The following EPG5 variants were observed in gnomAD, a reference collection of about 807,000 sequenced individuals.
The protein encoded by EPG5 is ectopic P granules protein 5 homolog.
Under a neutral mutation model 302.7 loss-of-function variants are expected in EPG5, and 159 were observed. That is an observed-to-expected ratio of 0.53 (90% CI 0.46 to 0.60). EPG5 has a LOEUF of 0.60. Ranked by LOEUF, EPG5 falls within the 20% of genes least tolerant of loss-of-function variation. EPG5 has a pLI of 0.00. For missense variants in EPG5, 2,896 were observed against 3,092.4 expected, an observed-to-expected ratio of 0.94 and a Z score of 1.51; for synonymous variants, 1,158 against 1,136.8, an observed-to-expected ratio of 1.02 and a Z score of -0.37.
chr18:45,896,222 C>G (rs767432242), intron 27 of EPG5, among the ~76,000 whole-genome samples: 6 of 152,172 alleles, frequency 3.9e-5, no homozygotes, highest in Admixed American at 6.5e-5. Context: ...TTTAATTGCC[C>G]TGGCAAATCT....
At chr18:45,932,357 T>C (rs1053919748) in intron 11 of EPG5, among the ~76,000 whole-genome samples, 4 of 152,180 alleles carry the variant, frequency 2.6e-5, no homozygotes, top group Non-Finnish European at 4.4e-5. Flanking sequence ...AGAATGTTGA[T>C]TAGACTAGAA....
chr18:45,965,200 C>T (rs1170419848), intron 1 of EPG5, among the ~76,000 whole-genome samples: 6 of 151,464 alleles, frequency 4.0e-5, no homozygotes, highest in African/African-American at 1.2e-4. Flanking sequence ...AATGCAGAAA[C>T]AGAAAATCAA....
At chr18:45,804,782 A>AT in the EPG5 span, among the ~76,000 whole-genome samples, 1 of 152,216 alleles carries the variant, frequency 6.6e-6, no homozygotes, top group Non-Finnish European at 1.5e-5. Context: ...GGATCTTTAG[A>AT]CATGAAGAAC....
At chr18:45,833,356 G>GC in the EPG5 span, among the ~76,000 whole-genome samples, 8 of 152,046 alleles carry the variant, frequency 5.3e-5, no homozygotes, top group Admixed American at 6.5e-5. Flanking sequence ...TCGCTCTGTT[G>GC]CCCAGGCTGG....
At chr18:45,895,992 T>C (rs1195135484) in intron 27 of EPG5, among the ~76,000 whole-genome samples, 1 of 152,228 alleles carries the variant, frequency 6.6e-6, no homozygotes, top group African/African-American at 2.4e-5. Flanking sequence ...ACGAACAACT[T>C]GCATAGATAA....
At chr18:45,817,780 TTATGA>T in the EPG5 span, among the ~76,000 whole-genome samples, 1 of 152,248 alleles carries the variant, frequency 6.6e-6, no homozygotes, top group Non-Finnish European at 1.5e-5. Flanking sequence ...ACATTGACGT[TTATGA>T]TATATTTCAG....
chr18:45,934,707 A>G, intron 11 of EPG5, 102 bp downstream of exon 11: 1 of 1,347,420 alleles, frequency 7.4e-7, no homozygotes. Context: ...TATGTAGAGT[A>G]AAACATTTTC....
intron 21 of EPG5, among the ~76,000 whole-genome samples, chr18:45,913,438 G>A (rs2049956837): frequency 6.6e-6 from 1 of 152,082 alleles, no homozygotes; most frequent in South Asian, 2.1e-4. Context: ...AGTTCTCCAG[G>A]GAATTCTGAT....
chr18:45,928,684 AAGCAGC>A (rs1380502588), intron 13 of EPG5, among the ~76,000 whole-genome samples, 179 bp downstream of exon 13: 1 of 152,234 alleles, frequency 6.6e-6, no homozygotes, highest in Non-Finnish European at 1.5e-5. Flanking sequence ...ATCTTTTTAT[AAGCAGC>A]AGCTAATCCC....
chr18:45,861,155 A>G (rs2048625881), intron 39 of EPG5, among the ~76,000 whole-genome samples: 1 of 152,230 alleles, frequency 6.6e-6, no homozygotes, highest in Non-Finnish European at 1.5e-5. Flanking sequence ...GCATCTATCA[A>G]AACAAATTCA....
chr18:45,854,120 A>T (rs1336466932), intron 43 of EPG5, among the ~76,000 whole-genome samples: 1 of 152,188 alleles, frequency 6.6e-6, no homozygotes, highest in Admixed American at 6.5e-5. Context: ...AGTCTTCTCA[A>T]ATACACCCTG....
At chr18:45,955,617 A>G (rs186760658) in intron 1 of EPG5, among the ~76,000 whole-genome samples, 1,595 of 152,336 alleles carry the variant, frequency 0.01, 9 homozygotes, top group Non-Finnish European at 0.016. Flanking sequence ...CTGATTCAAA[A>G]AATAGAAGGG....
chr18:45,877,081 G>A (rs2048986652), intron 34 of EPG5, among the ~76,000 whole-genome samples: 1 of 152,164 alleles, frequency 6.6e-6, no homozygotes, highest in Admixed American at 6.5e-5. Context: ...ACCACGCCTG[G>A]CCCAGAGAAA....
intron 39 of EPG5, among the ~76,000 whole-genome samples, chr18:45,861,738 C>T (rs1454899834): frequency 6.6e-6 from 1 of 152,020 alleles, no homozygotes; most frequent in African/African-American, 2.4e-5. Context: ...CATTTAGCAC[C>T]GTTTCATGTT....
At chr18:45,897,775 C>T (rs781693310) in intron 27 of EPG5, among the ~76,000 whole-genome samples, 2 of 152,012 alleles carry the variant, frequency 1.3e-5, no homozygotes, top group Non-Finnish European at 2.9e-5. Flanking sequence ...AAATACAATA[C>T]ATATAAAAGA....
At position 45,954,548 on chromosome 18, in the gene EPG5, T is replaced by G. The variant is rs2050982007; in HGVS notation, c.854A>C (p.Gln285Pro). Residue 285 changes from glutamine to proline, a missense_variant, in exon 2 of 44, where the codon CAA (glutamine) becomes CCA (proline). Physicochemically the swap from Gln to Pro is moderately conservative, Grantham distance 76. Around this residue, in one of 5 missense-constraint regions of EPG5, gnomAD observed 1,390 missense variants for 1,430.0 expected, o/e 0.97. Coordinates refer to ENST00000282041, the MANE Select transcript of EPG5 (RefSeq NM_020964.3). ...CAACTCATAAAATTCATGCCTGTCT[T>G]GATGAGCCATGCTGTCAAATTCTTC... Reference protein sequence around the residue: ...YLEEFDSMAHQDRHEFYELLL... With the variant: ...YLEEFDSMAHPDRHEFYELLL... 6.2e-7 allele frequency: 1 copy of G among 1,614,160 alleles called. No individual in the cohort carries two copies. The highest frequency in any genetic ancestry group is 1.3e-5 in the African/African-American group (1 of 74,950).
At chr18:45,832,123 T>C in the EPG5 span, among the ~76,000 whole-genome samples, 1 of 152,234 alleles carries the variant, frequency 6.6e-6, no homozygotes, top group Non-Finnish European at 1.5e-5. Flanking sequence ...GGAAGGGAAC[T>C]AACACATATG....
chr18:45,942,307 A>C (rs1444463558), intron 9 of EPG5, among the ~76,000 whole-genome samples: 2 of 152,184 alleles, frequency 1.3e-5, no homozygotes. Context: ...TACATATCTA[A>C]AATAAATGAA....
intron 16 of EPG5, among the ~76,000 whole-genome samples, chr18:45,922,038 TTTTATTTGA>T (rs2050166000): frequency 6.6e-6 from 1 of 151,982 alleles, no homozygotes; most frequent in South Asian, 2.1e-4. Context: ...GATCAATTAT[TTTTATTTGA>T]TCACAATTCT....
Sources: gnomAD v4.1 joint callset for allele counts (sites outside exome capture counted in the v4.1 genomes callset) on GRCh38, gnomAD v4.1.1 for gene constraint, gnomAD v4.1.1 regional missense constraint, MANE v1.5 for transcripts, NCBI Gene and HGNC (gene_info 2026-07-23, HGNC 2026-07-21) for gene names.